The following MAP3K1 variants were observed in gnomAD, a reference collection of about 807,000 sequenced individuals.
MAP3K1 encodes the protein mitogen-activated protein kinase kinase kinase 1, also known as MAP/ERK kinase kinase 1.
MAP3K1 carries 36 observed loss-of-function variants against 144.2 expected under a neutral mutation model. The observed-to-expected ratio is 0.25, with a 90% CI of 0.19 to 0.33. MAP3K1 has a LOEUF of 0.33. Ranked by LOEUF, MAP3K1 falls within the 10% of genes least tolerant of loss-of-function variation. The pLI is 1.00. For missense variants in MAP3K1, 1,650 were observed against 1,881.9 expected (o/e 0.88, Z 2.28); for synonymous variants, 718 against 688.7 (o/e 1.04, Z -0.67).
chr5:56,828,882 CT>C (rs10552271), intron 1 of MAP3K1, among the ~76,000 whole-genome samples: 291 of 151,136 alleles, frequency 1.9e-3, no homozygotes, highest in African/African-American at 5.9e-3. Flanking sequence ...ATGTATGCAT[CT>C]TTTTTTTTTA....
intron 2 of MAP3K1, among the ~76,000 whole-genome samples, chr5:56,857,393 T>G (rs79865364): frequency 1.3e-5 from 2 of 152,160 alleles, no homozygotes; most frequent in Non-Finnish European, 2.9e-5. Context: ...TATATTCTTA[T>G]AAGAATACCA....
chr5:56,844,175 T>G (rs1337492690), intron 1 of MAP3K1, among the ~76,000 whole-genome samples: 3 of 137,088 alleles, frequency 2.2e-5, no homozygotes, highest in African/African-American at 8.0e-5. Flanking sequence ...ATAGGATTGT[T>G]TTTTTTGGTT....
chr5:56,893,344 G>A, intron 19 of MAP3K1, among the ~76,000 whole-genome samples, 187 bp from the exon 20 acceptor site: 1 of 152,120 alleles, frequency 6.6e-6, no homozygotes, highest in East Asian at 1.9e-4. Context: ...AAGATTGTTA[G>A]AGAAAACCTC....
intron 19 of MAP3K1, among the ~76,000 whole-genome samples, chr5:56,890,825 A>G (rs1378186053): frequency 3.3e-5 from 5 of 151,920 alleles, no homozygotes; most frequent in Admixed American, 2.0e-4. Context: ...GGCAAGAACA[A>G]AACTTGAACC....
rs1323970930 is a variant in MAP3K1 at position 56,865,440 on chromosome 5, CT to C, written c.1139del (p.Leu380Ter). ...EPSDPMLWRK[T>X]LKNFEVESLF... ...TCAGACCCAATGTTATGGAGAAAAA[CT>C]TTAAAGAATTTTGAGGTAGTTTTTA... On this transcript the variant is annotated frameshift_variant, in exon 5 of 20. Coordinates refer to ENST00000399503, the MANE Select transcript of MAP3K1 (RefSeq NM_005921.2). LOFTEE classifies it high-confidence loss of function. 6.3e-7 allele frequency: 1 copy of C among 1,581,924 alleles called. No individual in the cohort carries two copies. Among genetic ancestry groups the C allele is most frequent in the Admixed American group, 1.7e-5 (1 of 59,850 alleles).
chr5:56,882,251 A>G lies in MAP3K1; in HGVS notation c.3051A>G (p.Ala1017=), dbSNP rs1162639854. The change falls in exon 14 of 20, where the codon GCA becomes GCG. Residue 1017 remains alanine, a synonymous_variant. Transcript: ENST00000399503. ...TCATTCCCTGCAGAATACCTTCTGC[A>G]TCTCCTCAAACACAGCGCAAGTTTT... The part of the protein sequence containing the change: ...QGFIPCRIPS[A]SPQTQRKFSL... The G allele has an allele frequency of 2.5e-6, 4 of 1,614,028 alleles. No homozygotes were observed. Among genetic ancestry groups the G allele is most frequent in the South Asian group, 2.2e-5 (2 of 91,092 alleles).
chr5:56,886,290 G>C (rs1462123237), intron 17 of MAP3K1, among the ~76,000 whole-genome samples: 1 of 152,118 alleles, frequency 6.6e-6, no homozygotes, highest in Non-Finnish European at 1.5e-5. Flanking sequence ...TGTAATCCTG[G>C]CTATTTGGGA....
intron 19 of MAP3K1, among the ~76,000 whole-genome samples, chr5:56,890,723 T>C (rs1338908299): frequency 6.6e-6 from 1 of 152,102 alleles, no homozygotes; most frequent in Admixed American, 6.6e-5. Flanking sequence ...TGCTACAAGA[T>C]ACATTAATAA....
chr5:56,880,555 T>C (rs947642801), intron 11 of MAP3K1, among the ~76,000 whole-genome samples, 156 bp from the exon 12 acceptor site: 3 of 152,176 alleles, frequency 2.0e-5, no homozygotes, highest in East Asian at 1.9e-4. Context: ...TTACTACTTA[T>C]GGTGACATTG....
rs1207295324 is a variant in MAP3K1 at position 56,872,713 on chromosome 5, A to T, written c.1496A>T (p.Asp499Val). 1.2e-6 allele frequency: 2 copies of T among 1,603,250 alleles called. No homozygotes were observed. Among genetic ancestry groups the T allele is most frequent in the Non-Finnish European group, 1.7e-6 (2 of 1,170,652 alleles). ...TGTAGATCTAAGTGGAGATCTCATG[A>T]TTTCTACAGGTAATAATTTTGAAAT... ...PLCRSKWRSH[D>V]FYSHELSSPV... The change falls in exon 8 of 20, where the codon GAT (aspartate) becomes GTT (valine). Residue 499 changes from aspartate to valine, a missense_variant. Asp to Val is a radical substitution (Grantham distance 152). This residue lies in a region of MAP3K1 where 841 missense variants were observed against 886.5 expected (regional missense o/e 0.95). Transcript: ENST00000399503.
intron 10 of MAP3K1, among the ~76,000 whole-genome samples, chr5:56,877,406 A>G (rs1353217422): frequency 6.6e-6 from 1 of 152,132 alleles, no homozygotes; most frequent in Middle Eastern, 3.2e-3. Flanking sequence ...AAAGGATACC[A>G]GGCTCCATGG....
At chr5:56,866,526 C>T (rs1393099294) in intron 6 of MAP3K1, among the ~76,000 whole-genome samples, 2 of 152,126 alleles carry the variant, frequency 1.3e-5, no homozygotes, top group Non-Finnish European at 2.9e-5. Flanking sequence ...TGTGAATCTT[C>T]TTTCTGTTCT....
chr5:56,875,920 T>C (rs750431337), intron 10 of MAP3K1, among the ~76,000 whole-genome samples: 4 of 152,202 alleles, frequency 2.6e-5, no homozygotes, highest in Non-Finnish European at 5.9e-5. Flanking sequence ...ATGTTTTTAA[T>C]AAACATTTTG....
intron 1 of MAP3K1, chr5:56,820,962 T>A: frequency 3.8e-6 from 1 of 264,432 alleles, no homozygotes; most frequent in Non-Finnish European, 5.9e-6. Flanking sequence ...TGTTCAGGCA[T>A]GTTTTTTTTT....
chr5:56,889,402 C>T (rs1748479869), intron 19 of MAP3K1, among the ~76,000 whole-genome samples: 1 of 152,160 alleles, frequency 6.6e-6, no homozygotes, highest in African/African-American at 2.4e-5. Flanking sequence ...CTCCTGACCT[C>T]AAGCCCACCT....
chr5:56,829,951 C>T (rs924971434), intron 1 of MAP3K1, among the ~76,000 whole-genome samples: 2 of 152,190 alleles, frequency 1.3e-5, no homozygotes, highest in African/African-American at 4.8e-5. Context: ...GCTGAAGACA[C>T]ACGAGAACAA....
rs181415447 is a variant in MAP3K1 at position 56,846,177 on chromosome 5, A to G, written c.483-10423A>G. 4.5e-4 allele frequency among the ~76,000 whole-genome samples: 69 copies of G among 152,372 alleles called. 1 individual carries two copies. The highest frequency in any genetic ancestry group is 2.9e-3 in the Admixed American group (44 of 15,308). On this transcript the variant is annotated intron_variant, in intron 1 of 19. Transcript: ENST00000399503. ...TGTTTTCTAAGATGATGAATCATAC[A>G]GAATCACCAAACTCATATTTCTGTT...
At chr5:56,876,135 T>A (rs1281990104) in intron 10 of MAP3K1, among the ~76,000 whole-genome samples, 1 of 142,178 alleles carries the variant, frequency 7.0e-6, no homozygotes, top group African/African-American at 2.6e-5. Context: ...CTTCTCAGCC[T>A]CAGTACTATT....
intron 5 of MAP3K1, 91 bp from the exon 6 acceptor site, chr5:56,865,738 C>T: frequency 7.4e-7 from 1 of 1,347,976 alleles, no homozygotes; most frequent in Non-Finnish European, 1.1e-6. Flanking sequence ...GAAAAACATG[C>T]AAATTAAAGA....
Sources: gnomAD v4.1 joint callset for allele counts (sites outside exome capture counted in the v4.1 genomes callset) on GRCh38, gnomAD v4.1.1 for gene constraint, gnomAD v4.1.1 regional missense constraint, MANE v1.5 for transcripts, NCBI Gene and HGNC (gene_info 2026-07-23, HGNC 2026-07-21) for gene names.